The following SPTLC3 variants were observed in gnomAD, a reference collection of about 807,000 sequenced individuals.
The protein encoded by SPTLC3 is serine palmitoyltransferase 3.
A neutral mutation model predicts 59.3 loss-of-function variants in SPTLC3; 36 were observed. The observed-to-expected ratio is 0.61, with a 90% CI of 0.47 to 0.80. The LOEUF (loss-of-function observed/expected upper bound fraction) is 0.80, where lower values mean the gene tolerates loss of function less well. Among genes scored for constraint, SPTLC3 ranks in the 30% least tolerant of loss-of-function variants. SPTLC3 has a pLI of 0.00. For synonymous variants in SPTLC3, 257 were observed against 240.8 expected, an observed-to-expected ratio of 1.07 and a Z score of -0.62; for missense variants, 625 against 685.1, an observed-to-expected ratio of 0.91 and a Z score of 0.98.
At chr20:13,054,754 T>G (rs1176308087) in intron 2 of SPTLC3, among the ~76,000 whole-genome samples, 1 of 152,150 alleles carries the variant, frequency 6.6e-6, no homozygotes, top group Admixed American at 6.5e-5. Flanking sequence ...AGATCTGGAC[T>G]TCTGGAAAAA....
rs1377732057 is a variant in SPTLC3 at position 13,009,202 on chromosome 20, C to A, written c.-66C>A. 1.6e-5 allele frequency: 22 copies of A among 1,343,960 alleles called. No homozygotes were observed. Among genetic ancestry groups the A allele is most frequent in the Non-Finnish European group, 2.2e-5 (21 of 945,002 alleles). 83.3% of individuals were successfully genotyped at this position (1,343,960 alleles called of 1,614,324 possible). ...GAGCTTTATCCCATCCCCTCGCAGA[C>A]TGAAAACTAAAGCCTGCAGAGACCT... is the stretch of plus-strand genomic sequence containing the variant. On this transcript the variant is annotated 5_prime_UTR_variant, in exon 1 of 12. It adds an upstream start codon to the 5' untranslated region. Transcript: ENST00000399002.
intron 6 of SPTLC3, among the ~76,000 whole-genome samples, chr20:13,104,208 T>C (rs1254744833): frequency 6.6e-6 from 1 of 152,182 alleles, no homozygotes; most frequent in Admixed American, 6.5e-5. Flanking sequence ...TTCTTATAGC[T>C]AGATATTTAT....
chr20:13,011,182 C>T (rs4814179), intron 1 of SPTLC3, among the ~76,000 whole-genome samples: 62,631 of 151,966 alleles, frequency 0.41, 14,319 homozygotes, highest in Middle Eastern at 0.59. Context: ...ATAGGGCAAA[C>T]GAGGGCTTAT....
intron 1 of SPTLC3, among the ~76,000 whole-genome samples, chr20:13,027,645 A>ACG (rs1201695358): frequency 1.5e-4 from 1 of 6,534 alleles, no homozygotes; most frequent in Non-Finnish European, 5.2e-3. Flanking sequence ...CAGCACGCAC[A>ACG]CACACACACA....
intron 6 of SPTLC3, among the ~76,000 whole-genome samples, chr20:13,100,804 G>A (rs1989574446): frequency 6.6e-6 from 1 of 152,174 alleles, no homozygotes; most frequent in Admixed American, 6.5e-5. Context: ...AATCCTCAAA[G>A]TGATTATATG....
chr20:13,040,478 C>T (rs1270922877), intron 1 of SPTLC3, among the ~76,000 whole-genome samples: 6 of 152,036 alleles, frequency 3.9e-5, no homozygotes. Flanking sequence ...CCTGCCTCAG[C>T]CTCCCAAGTA....
At chr20:13,026,486 G>A (rs1424113001) in intron 1 of SPTLC3, among the ~76,000 whole-genome samples, 6 of 152,060 alleles carry the variant, frequency 3.9e-5, no homozygotes, top group Non-Finnish European at 7.4e-5. Flanking sequence ...GTGATATTGA[G>A]GTTTTTTCAT....
chr20:13,009,520 T>C, intron 1 of SPTLC3, 136 bp downstream of exon 1: 8 of 789,910 alleles, frequency 1.0e-5, no homozygotes, highest in South Asian at 9.0e-5. Flanking sequence ...TTGACTCTGT[T>C]AATAGAAAGT....
rs1357039653 is a variant in SPTLC3 at position 13,116,625 on chromosome 20, T to G, written c.933-881T>G. ...TCTGTCTCTGCCCTAGCATGGAAGG[T>G]TCTATCGTGTATCTGTCCCAGATCA... On this transcript the variant is annotated intron_variant, in intron 7 of 11. Transcript: ENST00000399002. 2.0e-5 allele frequency among the ~76,000 whole-genome samples: 3 copies of G among 152,176 alleles called. No individual in the cohort carries two copies. The East Asian group carries it at 5.8e-4, about 29-fold the overall frequency.
chr20:13,136,139 C>T (rs2038237461), intron 9 of SPTLC3, among the ~76,000 whole-genome samples: 1 of 152,166 alleles, frequency 6.6e-6, no homozygotes, highest in Non-Finnish European at 1.5e-5. Context: ...CAAAGTCACA[C>T]ATGTCCCTCT....
intron 2 of SPTLC3, among the ~76,000 whole-genome samples, chr20:13,054,288 G>A (rs1987624476): frequency 6.6e-6 from 1 of 152,142 alleles, no homozygotes; most frequent in South Asian, 2.1e-4. Flanking sequence ...GTAAGCCATG[G>A]ACATGTATTA....
chr20:13,062,453 A>G (rs1489025327), intron 2 of SPTLC3, among the ~76,000 whole-genome samples: 1 of 152,234 alleles, frequency 6.6e-6, no homozygotes, highest in Non-Finnish European at 1.5e-5. Flanking sequence ...CAAGATATAT[A>G]TTTTTATTTG....
chr20:13,041,273 A>T (rs6033588), intron 1 of SPTLC3, among the ~76,000 whole-genome samples: 20,031 of 149,272 alleles, frequency 0.13, 1,903 homozygotes, highest in African/African-American at 0.28. Flanking sequence ...ATTTGTCTTT[A>T]TTTTTTTCCT....
intron 2 of SPTLC3, among the ~76,000 whole-genome samples, chr20:13,051,625 G>A (rs370926118): frequency 1.1e-3 from 167 of 152,182 alleles, no homozygotes; most frequent in Non-Finnish European, 1.6e-3. Flanking sequence ...TCCAACAACC[G>A]CAGAATACAC....
intron 10 of SPTLC3, among the ~76,000 whole-genome samples, chr20:13,158,779 TCTGATAAC>T (rs2038830968): frequency 6.6e-6 from 1 of 152,190 alleles, no homozygotes; most frequent in Non-Finnish European, 1.5e-5. Flanking sequence ...CATTGCTTCA[TCTGATAAC>T]CTATGTTCTA....
chr20:13,121,446 T>C (rs978000529), intron 8 of SPTLC3, among the ~76,000 whole-genome samples: 4 of 152,278 alleles, frequency 2.6e-5, no homozygotes, highest in Non-Finnish European at 4.4e-5. Flanking sequence ...CTCTAAGATG[T>C]TTATTCTAAG....
At chr20:13,057,762 T>C (rs1987787960) in intron 2 of SPTLC3, among the ~76,000 whole-genome samples, 1 of 152,244 alleles carries the variant, frequency 6.6e-6, no homozygotes, top group South Asian at 2.1e-4. Flanking sequence ...GGGCCAAGAA[T>C]ATCTCTTTGT....
intron 6 of SPTLC3, among the ~76,000 whole-genome samples, chr20:13,100,739 AG>A (rs1600278095): frequency 6.6e-6 from 1 of 152,254 alleles, no homozygotes; most frequent in East Asian, 1.9e-4. Flanking sequence ...TAATTTTAAC[AG>A]CAACCCAGAT....
Position 13,080,511 on chromosome 20 carries a change from C to CAAAAAAA in SPTLC3, c.607+6018_607+6024dup, listed in dbSNP as rs3039608. Reference sequence around the variant, plus strand: ...GACCGAGTGAAAATCCATCCATCTCCAAAAAAAAAACAGGCAAAACTGCAC... The same window carrying CAAAAAAA: ...GACCGAGTGAAAATCCATCCATCTCCAAAAAAAAAAAAAAAAACAGGCAAAACTGCAC... On this transcript the variant is annotated intron_variant, in intron 4 of 11. Transcript: ENST00000399002. Among the ~76,000 whole-genome samples the CAAAAAAA allele has an allele frequency of 9.8e-5, 12 of 122,882 alleles. 2 individuals carry two copies. Among genetic ancestry groups the CAAAAAAA allele is most frequent in the Admixed American group, 7.7e-4 (9 of 11,702 alleles). The allele number at this position is 122,882 out of a possible 152,430, so 80.6% of individuals were successfully genotyped here. A position where few individuals can be genotyped will look rare whatever the true frequency, so the allele number is the denominator to read the frequency against.
Sources: allele counts gnomAD v4.1 joint callset (sites outside exome capture counted in the v4.1 genomes callset), GRCh38; gene constraint gnomAD v4.1.1; transcripts MANE v1.5; gene names NCBI Gene and HGNC (gene_info 2026-07-23, HGNC 2026-07-21).